STX18: variants seen among roughly 807,000 people sequenced by gnomAD.
The protein encoded by STX18 is syntaxin-18.
STX18 carries 40 observed loss-of-function variants against 50.1 expected under a neutral mutation model. That is an observed-to-expected ratio of 0.80 (90% CI 0.62 to 1.04). The LOEUF is 1.04. Ranked by LOEUF, STX18 falls within the 50% of genes least tolerant of loss-of-function variation. The probability of loss-of-function intolerance (pLI) is 0.00; values close to 1 mark genes in which losing one functional copy is unlikely to be tolerated. For missense variants in STX18, 410 were observed against 415.8 expected, an observed-to-expected ratio of 0.99 and a Z score of 0.12; for synonymous variants, 158 against 151.8, an observed-to-expected ratio of 1.04 and a Z score of -0.30.
Position 4,526,121 on chromosome 4 carries a change from G to A in STX18, c.168+15676C>T, listed in dbSNP as rs910114106. ...AGAATCTTTGCGTGGAGAATGAGCG[G>A]TACTGAGCGCTTCTGAGCCAAAGTA... is the stretch of plus-strand genomic sequence containing the variant. On this transcript the variant is annotated intron_variant, in intron 1 of 10. Coordinates refer to ENST00000306200, the MANE Select transcript of STX18 (RefSeq NM_016930.4). Among the ~76,000 whole-genome samples the A allele has an allele frequency of 4.6e-5, 7 of 152,246 alleles. No individual in the cohort carries two copies. The East Asian group carries it at 7.7e-4, about 17-fold the overall frequency.
chr4:4,471,446 T>G (rs1727913678), intron 2 of STX18, among the ~76,000 whole-genome samples, 193 bp downstream of exon 2: 1 of 152,222 alleles, frequency 6.6e-6, no homozygotes, highest in African/African-American at 2.4e-5. Context: ...ATTGCTGTTG[T>G]GATTTCATGA....
intron 2 of STX18, among the ~76,000 whole-genome samples, chr4:4,468,401 C>T (rs374924372): frequency 5.3e-5 from 8 of 152,064 alleles, no homozygotes; most frequent in African/African-American, 1.2e-4. Flanking sequence ...TACCTCAAGG[C>T]GGGTAGTCTA....
Position 4,471,530 on chromosome 4 carries a change from T to C in STX18, c.236+109A>G, listed in dbSNP as rs768232939. 4.9e-4 allele frequency: 343 copies of C among 703,018 alleles called. 1 individual carries two copies. Among genetic ancestry groups the C allele is most frequent in the Admixed American group, 1.1e-4 (3 of 27,490 alleles). The allele number at this position is 703,018 out of a possible 1,614,324, so 43.5% of individuals were successfully genotyped here. A position where few individuals can be genotyped will look rare whatever the true frequency, so the allele number is the denominator to read the frequency against. ...TCCACTGCCAAACTGGTCTTCCTCA[T>C]TACAACTCTGAGTTATTAAGAAAAA... is the stretch of plus-strand genomic sequence containing the variant. On this transcript the variant is annotated intron_variant, in intron 2 of 10. Coordinates refer to ENST00000306200, the MANE Select transcript of STX18 (RefSeq NM_016930.4).
At chr4:4,441,007 C>G (rs11734030) in intron 5 of STX18, among the ~76,000 whole-genome samples, 1 of 152,076 alleles carries the variant, frequency 6.6e-6, no homozygotes, top group East Asian at 1.9e-4. Context: ...CCAAGGAGGC[C>G]ACACACATGG....
At chr4:4,422,893 G>C (rs1386703037) in intron 9 of STX18, among the ~76,000 whole-genome samples, 1 of 152,196 alleles carries the variant, frequency 6.6e-6, no homozygotes, top group Non-Finnish European at 1.5e-5. Flanking sequence ...CGTTCCCATA[G>C]TCTTTGGATG....
Position 4,507,056 on chromosome 4 carries a change from C to G in STX18, c.168+34741G>C, listed in dbSNP as rs572648165. ...TTTTTAAAAAGCAGCTCTTCCTAAG[C>G]CAGTGCTCAGCAAGGAGAAGGCCAT... is the stretch of plus-strand genomic sequence containing the variant. On this transcript the variant is annotated intron_variant, in intron 1 of 10. Transcript: ENST00000306200. 11 of 498,250 alleles carry G rather than the reference C, an allele frequency of 2.2e-5. No individual in the cohort carries two copies. The East Asian group carries it at 5.3e-4, about 24-fold the overall frequency. The allele number at this position is 498,250 out of a possible 1,614,324, so 30.9% of individuals were successfully genotyped here. A position where few individuals can be genotyped will look rare whatever the true frequency, so the allele number is the denominator to read the frequency against.
intron 1 of STX18, among the ~76,000 whole-genome samples, chr4:4,520,265 G>A (rs1167195132): frequency 2.0e-5 from 3 of 152,152 alleles, no homozygotes; most frequent in Non-Finnish European, 4.4e-5. Flanking sequence ...TCCCAATAGG[G>A]TGCTGTTAAG....
At chr4:4,535,415 T>C (rs950030377) in intron 1 of STX18, among the ~76,000 whole-genome samples, 2 of 152,224 alleles carry the variant, frequency 1.3e-5, no homozygotes, top group African/African-American at 4.8e-5. Flanking sequence ...GCTCTCCTTA[T>C]AGTACACACT....
chr4:4,454,854 T>G (rs772273984), intron 5 of STX18, among the ~76,000 whole-genome samples: 39 of 152,218 alleles, frequency 2.6e-4, no homozygotes, highest in Non-Finnish European at 5.4e-4. Flanking sequence ...ATGGTGGCTT[T>G]TTGAGGATTA....
chr4:4,536,778 G>T (rs1045397986), intron 1 of STX18, among the ~76,000 whole-genome samples: 2 of 152,180 alleles, frequency 1.3e-5, no homozygotes, highest in African/African-American at 4.8e-5. Context: ...AATAAAAAAC[G>T]AAGTTTAGCT....
At chr4:4,529,205 T>G (rs912411316) in intron 1 of STX18, among the ~76,000 whole-genome samples, 2 of 152,056 alleles carry the variant, frequency 1.3e-5, no homozygotes, top group African/African-American at 4.8e-5. Context: ...CTACTAAAAA[T>G]ACACAAATTA....
intron 5 of STX18, among the ~76,000 whole-genome samples, chr4:4,451,290 A>AT (rs1726739300): frequency 6.6e-6 from 1 of 152,164 alleles, no homozygotes; most frequent in Non-Finnish European, 1.5e-5. Flanking sequence ...AGAGAGACAG[A>AT]TTTTTTCAGT....
intron 5 of STX18, among the ~76,000 whole-genome samples, chr4:4,450,285 T>C (rs758794052): frequency 2.0e-5 from 3 of 152,168 alleles, no homozygotes; most frequent in Non-Finnish European, 2.9e-5. Context: ...CTTTTCCCCT[T>C]TCACTTCTCC....
At chr4:4,527,627 C>A (rs1204522688) in intron 1 of STX18, among the ~76,000 whole-genome samples, 1 of 151,688 alleles carries the variant, frequency 6.6e-6, no homozygotes, top group Non-Finnish European at 1.5e-5. Flanking sequence ...GATTTGCAGT[C>A]AACATGCCAC....
At chr4:4,505,985 TAGCAGGTACC>T (rs1729688579) in intron 1 of STX18, among the ~76,000 whole-genome samples, 1 of 152,236 alleles carries the variant, frequency 6.6e-6, no homozygotes, top group South Asian at 2.1e-4. Context: ...ATCCATATTG[TAGCAGGTACC>T]AGTACTTCAT....
Position 4,542,009 on chromosome 4 carries a change from C to T in STX18, c.-45G>A. 6.6e-7 allele frequency: 1 copy of T among 1,507,022 alleles called. No homozygotes were observed. The highest frequency in any genetic ancestry group is 1.3e-5 in the South Asian group (1 of 78,092). 93.4% of individuals were successfully genotyped at this position (1,507,022 alleles called of 1,614,324 possible). A position where few individuals can be genotyped will look rare whatever the true frequency, so the allele number is the denominator to read the frequency against. On this transcript the variant is annotated 5_prime_UTR_variant, in exon 1 of 11. Coordinates refer to ENST00000306200, the MANE Select transcript of STX18 (RefSeq NM_016930.4). Reference sequence around the variant, plus strand: ...CCCACACTAGGCCCGCCCACGTAAGCAGCCGGCGACCGCGGCGCGAACCCG... The same window carrying T: ...CCCACACTAGGCCCGCCCACGTAAGTAGCCGGCGACCGCGGCGCGAACCCG...
At chr4:4,529,146 G>A (rs959991278) in intron 1 of STX18, among the ~76,000 whole-genome samples, 1 of 152,068 alleles carries the variant, frequency 6.6e-6, no homozygotes, top group Admixed American at 6.5e-5. Context: ...GGCGGATCAC[G>A]AGGTCAGGAG....
chr4:4,463,090 A>G (rs964727788), intron 2 of STX18, among the ~76,000 whole-genome samples: 1 of 152,226 alleles, frequency 6.6e-6, no homozygotes, highest in Non-Finnish European at 1.5e-5. Flanking sequence ...CATTTGAATC[A>G]TACTGTCTGC....
intron 1 of STX18, among the ~76,000 whole-genome samples, chr4:4,486,814 T>A (rs1008514607): frequency 6.6e-6 from 1 of 152,224 alleles, no homozygotes; most frequent in Non-Finnish European, 1.5e-5. Flanking sequence ...ATTATTTACA[T>A]ATCTTCAAAA....
Sources: gnomAD v4.1 joint callset for allele counts (sites outside exome capture counted in the v4.1 genomes callset) on GRCh38, gnomAD v4.1.1 for gene constraint, MANE v1.5 for transcripts, NCBI Gene and HGNC (gene_info 2026-07-23, HGNC 2026-07-21) for gene names.